SLC35D4: variants seen among roughly 807,000 people sequenced by gnomAD.
SLC35D4 encodes the protein UDP-N-acetylglucosamine transporter SLC35D4.
the SLC35D4 span, among the ~76,000 whole-genome samples, chr18:23,383,713 T>C: frequency 6.6e-6 from 1 of 151,760 alleles, no homozygotes. Context: ...CTGGGTGAAG[T>C]GAGTCTCTTC....
chr18:23,429,107 G>GT, the SLC35D4 span, among the ~76,000 whole-genome samples: 1 of 152,164 alleles, frequency 6.6e-6, no homozygotes, highest in Non-Finnish European at 1.5e-5. Flanking sequence ...GGGCACCTAG[G>GT]TTGATTCCAT....
the SLC35D4 span, chr18:23,385,109 G>A: frequency 5.7e-6 from 9 of 1,566,190 alleles, no homozygotes; most frequent in South Asian, 2.3e-5. Context: ...TATTTTCTTC[G>A]ATCTCATAAT....
chr18:23,403,399 G>T, the SLC35D4 span, among the ~76,000 whole-genome samples: 1 of 152,212 alleles, frequency 6.6e-6, no homozygotes, highest in South Asian at 2.1e-4. Flanking sequence ...TATACGTGAC[G>T]TTTGAGAGGG....
the SLC35D4 span, among the ~76,000 whole-genome samples, chr18:23,335,153 A>C: frequency 6.6e-6 from 1 of 152,144 alleles, no homozygotes; most frequent in Admixed American, 6.5e-5. Context: ...GAACAGGAAA[A>C]CAAGTCTGAG....
the SLC35D4 span, among the ~76,000 whole-genome samples, chr18:23,353,746 A>G: frequency 1.3e-5 from 2 of 152,224 alleles, no homozygotes; most frequent in African/African-American, 4.8e-5. Flanking sequence ...GGTAAGCAGC[A>G]GGCCTACCCA....
chr18:23,416,881 C>T, the SLC35D4 span, among the ~76,000 whole-genome samples: 8 of 152,242 alleles, frequency 5.3e-5, no homozygotes, highest in African/African-American at 1.9e-4. Context: ...CAAAGGACAA[C>T]TTCTTGCAGG....
At chr18:23,331,940 T>C in the SLC35D4 span, among the ~76,000 whole-genome samples, 30 of 143,682 alleles carry the variant, frequency 2.1e-4, no homozygotes, top group Non-Finnish European at 3.6e-4. Context: ...GGGTAGAGTG[T>C]GGTGGAGTGA....
At chr18:23,395,297 G>A in the SLC35D4 span, among the ~76,000 whole-genome samples, 31 of 152,222 alleles carry the variant, frequency 2.0e-4, no homozygotes, top group African/African-American at 6.0e-4. Flanking sequence ...GAGGACCCAC[G>A]GGTACCATTT....
chr18:23,307,061 C>A, the SLC35D4 span, among the ~76,000 whole-genome samples: 1 of 152,192 alleles, frequency 6.6e-6, no homozygotes, highest in African/African-American at 2.4e-5. Context: ...AGATCTAACA[C>A]CTCCTACAGT....
At chr18:23,409,714 C>T in the SLC35D4 span, among the ~76,000 whole-genome samples, 8 of 152,090 alleles carry the variant, frequency 5.3e-5, no homozygotes, top group Admixed American at 1.3e-4. Flanking sequence ...CATGGTGGCA[C>T]ATGCTTGTAG....
chr18:23,347,274 T>A, the SLC35D4 span, among the ~76,000 whole-genome samples: 17 of 152,380 alleles, frequency 1.1e-4, no homozygotes, highest in African/African-American at 4.1e-4. Context: ...GCCCATTTCA[T>A]CCAAATTGAC....
the SLC35D4 span, among the ~76,000 whole-genome samples, chr18:23,375,546 G>T: frequency 6.6e-6 from 1 of 152,124 alleles, no homozygotes; most frequent in Non-Finnish European, 1.5e-5. Flanking sequence ...TTTTCTGTAG[G>T]TTTAAACTTT....
At chr18:23,417,042 GA>G in the SLC35D4 span, among the ~76,000 whole-genome samples, 9 of 152,236 alleles carry the variant, frequency 5.9e-5, no homozygotes, top group South Asian at 1.9e-3. Flanking sequence ...AGGAGTTAGA[GA>G]CCAGCCTGGG....
chr18:23,281,604 G>A, the SLC35D4 span, among the ~76,000 whole-genome samples: 1 of 152,186 alleles, frequency 6.6e-6, no homozygotes, highest in East Asian at 1.9e-4. Flanking sequence ...TGAGATTACA[G>A]GAGTGAGCCA....
the SLC35D4 span, among the ~76,000 whole-genome samples, chr18:23,276,494 A>C: frequency 6.6e-6 from 1 of 150,846 alleles, no homozygotes. Context: ...TGTGTGGGAG[A>C]ACAATAGGCC....
At chr18:23,281,259 T>C in the SLC35D4 span, among the ~76,000 whole-genome samples, 1 of 152,206 alleles carries the variant, frequency 6.6e-6, no homozygotes, top group Non-Finnish European at 1.5e-5. Flanking sequence ...GTGTACTGAA[T>C]TGTACACTTC....
At chr18:23,318,698 G>C in the SLC35D4 span, among the ~76,000 whole-genome samples, 1 of 152,274 alleles carries the variant, frequency 6.6e-6, no homozygotes, top group South Asian at 2.1e-4. Flanking sequence ...TTAGGAAAAA[G>C]TCAATATCAT....
At chr18:23,370,391 G>A in the SLC35D4 span, 650 of 797,224 alleles carry the variant, frequency 8.2e-4, 4 homozygotes, top group African/African-American at 0.01. Context: ...TTTTCCCTAC[G>A]AGTGTCACAC....
At chr18:23,310,697 C>G in the SLC35D4 span, among the ~76,000 whole-genome samples, 1 of 151,918 alleles carries the variant, frequency 6.6e-6, no homozygotes. Context: ...AAGCTGGGAG[C>G]AAGGCAGCAG....
Sources: allele counts gnomAD v4.1 joint callset (sites outside exome capture counted in the v4.1 genomes callset), GRCh38; gene constraint gnomAD v4.1.1; transcripts MANE v1.5; gene names NCBI Gene and HGNC (gene_info 2026-07-23, HGNC 2026-07-21).